TAB2: variants seen among roughly 807,000 people sequenced by gnomAD.
The protein encoded by TAB2 is TGF-beta activated kinase 1 (MAP3K7) binding protein 2, also known as TGF-beta-activated kinase 1 and MAP3K7-binding protein 2.
TAB2 carries 3 observed loss-of-function variants against 65.0 expected under a neutral mutation model. The observed-to-expected ratio is 0.05, with a 90% CI of 0.02 to 0.12. TAB2 has a LOEUF of 0.12. TAB2 is among the 10% of genes least tolerant of loss of function. The pLI is 1.00. For synonymous variants in TAB2, 298 were observed against 285.1 expected, an observed-to-expected ratio of 1.05 and a Z score of -0.46; for missense variants, 623 against 840.3, an observed-to-expected ratio of 0.74 and a Z score of 3.20.
chr6:149,271,390 C>G (rs1778362382), intron 1 of TAB2, among the ~76,000 whole-genome samples: 1 of 152,144 alleles, frequency 6.6e-6, no homozygotes, highest in Admixed American at 6.5e-5. Flanking sequence ...AGCTCTGCTC[C>G]ATGAGGTCAT....
intron 1 of TAB2, among the ~76,000 whole-genome samples, chr6:149,233,008 C>T (rs1006475083): frequency 6.6e-6 from 1 of 152,176 alleles, no homozygotes; most frequent in Non-Finnish European, 1.5e-5. Context: ...ACTCCCATGC[C>T]AGGGCATAGT....
intron 1 of TAB2, among the ~76,000 whole-genome samples, chr6:149,357,820 C>G (rs1287734443): frequency 6.6e-6 from 1 of 152,084 alleles, no homozygotes; most frequent in Admixed American, 6.5e-5. Context: ...CTGTCTCAGC[C>G]TCCCAAGTAG....
chr6:149,360,800 C>T (rs1256569394), intron 1 of TAB2, among the ~76,000 whole-genome samples: 3 of 152,156 alleles, frequency 2.0e-5, no homozygotes, highest in African/African-American at 7.2e-5. Flanking sequence ...ACAAGTTATT[C>T]ACTTTCAAGA....
intron 1 of TAB2, among the ~76,000 whole-genome samples, chr6:149,256,190 G>A (rs1403593621): frequency 1.3e-5 from 2 of 152,134 alleles, no homozygotes; most frequent in African/African-American, 2.4e-5. Flanking sequence ...AGTTTTCATT[G>A]CAAAATGACA....
chr6:149,240,717 TG>T (rs1197209494), intron 1 of TAB2, among the ~76,000 whole-genome samples: 3 of 152,210 alleles, frequency 2.0e-5, no homozygotes, highest in African/African-American at 7.2e-5. Context: ...TTAAGTGTAA[TG>T]TCTGTCCAAT....
rs1350695399 is a variant in TAB2, at chr6:149,275,283, AG to A, written c.-121+56508del. Among the ~76,000 whole-genome samples, 500 of 151,416 alleles carry A rather than the reference AG, an allele frequency of 3.3e-3. 5 individuals carry two copies. The highest frequency in any genetic ancestry group is 6.8e-3 in the Middle Eastern group (2 of 294). Reference sequence around the variant, plus strand: ...AAGAAAGAAAGAAAGAAAGAAAGAAAGAAAGAAAGAAAGAAAGAGAAAAAAG... The same window carrying A: ...AAGAAAGAAAGAAAGAAAGAAAGAAAAAAGAAAGAAAGAAAGAGAAAAAAG... On this transcript the variant is annotated intron_variant, in intron 1 of 1. Transcript: ENST00000606202.
chr6:149,345,858 GGTCCATATAATTATTTGGATATATTT>G (rs1780278962), intron 1 of TAB2, among the ~76,000 whole-genome samples: 1 of 151,708 alleles, frequency 6.6e-6, no homozygotes, highest in African/African-American at 2.4e-5. Context: ...AGGTCTTATA[GGTCCATATAATTATTTGGATATATTT>G]GTCCATATAA....
At chr6:149,279,698 C>T (rs1253552740) in intron 1 of TAB2, among the ~76,000 whole-genome samples, 4 of 152,186 alleles carry the variant, frequency 2.6e-5, no homozygotes, top group Non-Finnish European at 5.9e-5. Context: ...CTGCTACTTG[C>T]TAACGAATCT....
intron 1 of TAB2, among the ~76,000 whole-genome samples, chr6:149,347,826 A>T (rs997562784): frequency 2.0e-5 from 3 of 152,170 alleles, no homozygotes; most frequent in Admixed American, 1.3e-4. Context: ...CTGGTATATG[A>T]TATGATACTT....
chr6:149,266,838 G>C (rs1324458355), intron 1 of TAB2, among the ~76,000 whole-genome samples: 3 of 152,086 alleles, frequency 2.0e-5, no homozygotes, highest in Admixed American at 2.0e-4. Flanking sequence ...GTCTGGTTGA[G>C]TGAAAACCCA....
chr6:149,347,700 G>A (rs1417085466), intron 1 of TAB2, among the ~76,000 whole-genome samples: 3 of 151,910 alleles, frequency 2.0e-5, no homozygotes, highest in Admixed American at 2.0e-4. Flanking sequence ...CATGCTCCAA[G>A]AAATATAATT....
At chr6:149,379,578 A>G (rs1034119823) in intron 3 of TAB2, 60 bp downstream of exon 3, 3 of 1,504,040 alleles carry the variant, frequency 2.0e-6, no homozygotes, top group African/African-American at 2.8e-5. Flanking sequence ...TGTGCATTTG[A>G]TTTCACAACA....
chr6:149,300,760 G>A (rs956200819), intron 1 of TAB2, among the ~76,000 whole-genome samples: 1 of 152,226 alleles, frequency 6.6e-6, no homozygotes, highest in African/African-American at 2.4e-5. Context: ...TGGCAGGGAA[G>A]AGTTGGCAGA....
chr6:149,264,904 G>A (rs1196421905), intron 1 of TAB2, among the ~76,000 whole-genome samples: 2 of 152,240 alleles, frequency 1.3e-5, no homozygotes, highest in Non-Finnish European at 2.9e-5. Flanking sequence ...GCCACTGCAG[G>A]AAAGACACCG....
intron 1 of TAB2, among the ~76,000 whole-genome samples, chr6:149,227,759 G>C (rs76951873): frequency 1.2e-3 from 184 of 152,320 alleles, no homozygotes; most frequent in African/African-American, 4.4e-3. Flanking sequence ...GAAATGATTT[G>C]TAAAATGTGG....
chr6:149,380,920 C>T (rs941382013), intron 3 of TAB2, among the ~76,000 whole-genome samples: 8 of 152,096 alleles, frequency 5.3e-5, no homozygotes. Flanking sequence ...GGGTTGTGGT[C>T]CTTTCGAATT....
At chr6:149,394,576 C>G (rs746367657) in intron 3 of TAB2, among the ~76,000 whole-genome samples, 1 of 152,140 alleles carries the variant, frequency 6.6e-6, no homozygotes, top group Non-Finnish European at 1.5e-5. Context: ...ATGAGGACAT[C>G]TCTTTTTCTT....
At chr6:149,385,748 T>C (rs562280375) in intron 3 of TAB2, among the ~76,000 whole-genome samples, 21 of 152,334 alleles carry the variant, frequency 1.4e-4, no homozygotes, top group African/African-American at 4.3e-4. Flanking sequence ...TAAATTCTTA[T>C]GAGACACAAA....
At chr6:149,368,794 A>G (rs941998198) in intron 1 of TAB2, among the ~76,000 whole-genome samples, 19 of 152,128 alleles carry the variant, frequency 1.2e-4, no homozygotes, top group Admixed American at 4.6e-4. Flanking sequence ...ATTAAGTACA[A>G]TTTAATCAAG....
Sources: allele counts gnomAD v4.1 joint callset (sites outside exome capture counted in the v4.1 genomes callset), GRCh38; gene constraint gnomAD v4.1.1; transcripts MANE v1.5; gene names NCBI Gene and HGNC (gene_info 2026-07-23, HGNC 2026-07-21).